The following CHD1 variants were observed in gnomAD, a reference collection of about 807,000 sequenced individuals.
The protein encoded by CHD1 is chromodomain helicase DNA binding protein 1.
CHD1 carries 36 observed loss-of-function variants against 224.2 expected under a neutral mutation model. The ratio of observed to expected loss-of-function variants is 0.16; its 90% confidence interval spans 0.12 to 0.21. CHD1 has a LOEUF of 0.21. Ranked by LOEUF, CHD1 falls within the 10% of genes least tolerant of loss-of-function variation. CHD1 has a pLI of 1.00. For synonymous variants in CHD1, 668 were observed against 658.3 expected (o/e 1.01, Z -0.23); for missense variants, 1,378 against 1,994.8 (o/e 0.69, Z 5.89).
chr5:98,905,290 C>T (rs1439644717), intron 2 of CHD1, among the ~76,000 whole-genome samples, 192 bp from the exon 3 acceptor site: 2 of 151,934 alleles, frequency 1.3e-5, no homozygotes, highest in African/African-American at 2.4e-5. Context: ...TTTATTTATA[C>T]GTGATAGATT....
At chr5:98,927,249 C>T (rs1007743758) in intron 1 of CHD1, among the ~76,000 whole-genome samples, 18 of 152,092 alleles carry the variant, frequency 1.2e-4, no homozygotes, top group African/African-American at 4.1e-4. Context: ...AACCAAGACA[C>T]ACCATTTCCA....
At chr5:98,926,572 G>C (rs1439415825) in intron 1 of CHD1, 38 bp from the exon 2 acceptor site, 1 of 387,674 alleles carries the variant, frequency 2.6e-6, no homozygotes, top group African/African-American at 2.1e-5. Context: ...AAAATTTCCT[G>C]CAGAAAAAAG....
rs1363999431 is a variant in CHD1, at chr5:98,855,645, C to A, written c.*735G>T. The A allele has an allele frequency of 2.7e-5, 4 of 147,882 alleles. 1 individual carries two copies. Among genetic ancestry groups the A allele is most frequent in the African/African-American group, 2.5e-5 (1 of 40,322 alleles). The allele number at this position is 147,882 out of a possible 1,614,324, so 9.2% of individuals were successfully genotyped here. A position where few individuals can be genotyped will look rare whatever the true frequency, so the allele number is the denominator to read the frequency against. ...AAACAATGATTCCATCAAGACAAAT[C>A]ATTAAAAAGTGTTATTACACTGATT... On this transcript the variant is annotated 3_prime_UTR_variant, in exon 36 of 36. Transcript: ENST00000614616.
At chr5:98,900,557 G>A (rs909285191) in intron 7 of CHD1, among the ~76,000 whole-genome samples, 2 of 150,178 alleles carry the variant, frequency 1.3e-5, no homozygotes, top group Admixed American at 6.6e-5. Flanking sequence ...CCCTTGCCTC[G>A]GCTTCCCAAG....
intron 2 of CHD1, among the ~76,000 whole-genome samples, chr5:98,913,986 G>C (rs1465471941): frequency 2.6e-5 from 4 of 151,914 alleles, no homozygotes; most frequent in African/African-American, 9.7e-5. Context: ...TATCCACCCA[G>C]TATCTATTTT....
At chr5:98,879,499 C>T (rs1750011070) in intron 23 of CHD1, 53 bp downstream of exon 23, 5 of 1,499,426 alleles carry the variant, frequency 3.3e-6, no homozygotes, top group Non-Finnish European at 4.5e-6. Context: ...ACAAAATCAG[C>T]CCAGGTTGAA....
At chr5:98,883,749 C>A in intron 18 of CHD1, 1 of 178,658 alleles carries the variant, frequency 5.6e-6, no homozygotes, top group Non-Finnish European at 1.1e-5. Flanking sequence ...GGTATACATA[C>A]ACAGTGGAAA....
At chr5:98,928,051 A>T (rs542506089) in intron 1 of CHD1, among the ~76,000 whole-genome samples, 2 of 152,072 alleles carry the variant, frequency 1.3e-5, no homozygotes, top group African/African-American at 4.8e-5. Flanking sequence ...AGCGCGCTCC[A>T]ATCAGCCTCC....
chr5:98,918,765 A>C (rs1237248081), intron 2 of CHD1, among the ~76,000 whole-genome samples: 1 of 137,358 alleles, frequency 7.3e-6, no homozygotes, highest in Non-Finnish European at 1.6e-5. Flanking sequence ...AAAAAAAAAA[A>C]AAACAAAAAA....
At chr5:98,866,762 A>G (rs980365801) in intron 31 of CHD1, among the ~76,000 whole-genome samples, 9 of 152,198 alleles carry the variant, frequency 5.9e-5, no homozygotes, top group African/African-American at 1.4e-4. Context: ...ATATCAGACT[A>G]TAAGTGTTTC....
Position 98,854,713 on chromosome 5 carries a change from G to C in CHD1, c.*1667C>G, listed in dbSNP as rs1006779543. The C allele has an allele frequency of 2.6e-5, 4 of 151,880 alleles. No homozygotes were observed. Among genetic ancestry groups the C allele is most frequent in the African/African-American group, 9.7e-5 (4 of 41,372 alleles). 9.4% of individuals were successfully genotyped at this position (151,880 alleles called of 1,614,324 possible). A position where few individuals can be genotyped will look rare whatever the true frequency, so the allele number is the denominator to read the frequency against. On this transcript the variant is annotated 3_prime_UTR_variant, in exon 36 of 36. Transcript: ENST00000614616. ...GCTTTTATACACATAAACCTAATTG[G>C]ACAAAGGAAAATATTAAAAAATACA...
chr5:98,911,143 AAAAATAT>A (rs1207113150), intron 2 of CHD1, among the ~76,000 whole-genome samples: 22 of 112,564 alleles, frequency 2.0e-4, no homozygotes, highest in South Asian at 2.9e-4. Context: ...AAAAAAAAAA[AAAAATAT>A]ATATATATAT....
chr5:98,907,356 A>AG (rs965164748), intron 2 of CHD1, among the ~76,000 whole-genome samples: 4 of 152,152 alleles, frequency 2.6e-5, no homozygotes, highest in African/African-American at 4.8e-5. Flanking sequence ...TGGAAGGCAG[A>AG]GGGGGGCGGA....
Position 98,885,630 on chromosome 5 carries a change from T to C in CHD1, c.2516A>G (p.Lys839Arg). 1 of 1,599,152 alleles carries C rather than the reference T, an allele frequency of 6.3e-7. No individual in the cohort carries two copies. The highest frequency in any genetic ancestry group is 8.6e-7 in the Non-Finnish European group (1 of 1,168,598). ...TAGAGCTTGTTTCCTCAGTTCTCCT[T>C]TTATTGATCCATCTAATCTCTAGAA... is the stretch of plus-strand genomic sequence containing the variant. Reference protein sequence around the residue: ...FPFQRLDGSIKGELRKQALDH... With the variant: ...FPFQRLDGSIRGELRKQALDH... Residue 839 changes from lysine to arginine, a missense_variant, in exon 18 of 36, where the codon AAA (lysine) becomes AGA (arginine). This residue lies in a region of CHD1 where 57 missense variants were observed against 177.2 expected (regional missense o/e 0.32). Transcript: ENST00000614616.
At chr5:98,907,712 G>C (rs201675195) in intron 2 of CHD1, among the ~76,000 whole-genome samples, 2 of 151,052 alleles carry the variant, frequency 1.3e-5, no homozygotes, top group East Asian at 3.9e-4. Flanking sequence ...TTTTGCATAA[G>C]AAAGAAAAAT....
intron 2 of CHD1, among the ~76,000 whole-genome samples, chr5:98,907,126 T>C (rs1752094229): frequency 6.6e-6 from 1 of 152,220 alleles, no homozygotes; most frequent in African/African-American, 2.4e-5. Context: ...TACAGAAATC[T>C]TTCCTTTCAT....
chr5:98,927,368 G>A (rs1263863054), intron 1 of CHD1, among the ~76,000 whole-genome samples: 1 of 152,104 alleles, frequency 6.6e-6, no homozygotes, highest in African/African-American at 2.4e-5. Context: ...GGAAGGAGAC[G>A]TCAGATCCTT....
intron 2 of CHD1, among the ~76,000 whole-genome samples, chr5:98,922,633 T>C (rs918855112): frequency 6.6e-6 from 1 of 152,086 alleles, no homozygotes; most frequent in Non-Finnish European, 1.5e-5. Context: ...AAACCAAAAT[T>C]TACTTTAAAA....
At chr5:98,874,544 A>G (rs918639102) in intron 25 of CHD1, among the ~76,000 whole-genome samples, 3 of 149,664 alleles carry the variant, frequency 2.0e-5, no homozygotes, top group African/African-American at 4.9e-5. Flanking sequence ...TACTAAAAAA[A>G]AAAAAAAAAA....
Sources: allele counts gnomAD v4.1 joint callset (sites outside exome capture counted in the v4.1 genomes callset), GRCh38; gene constraint gnomAD v4.1.1; regional missense constraint gnomAD v4.1.1; transcripts MANE v1.5; gene names NCBI Gene and HGNC (gene_info 2026-07-23, HGNC 2026-07-21).